Variants in MAP3K11 observed in about 807,000 individuals in gnomAD.
The protein encoded by MAP3K11 is mitogen-activated protein kinase kinase kinase 11.
Under a neutral mutation model 84.9 loss-of-function variants are expected in MAP3K11, and 46 were observed. The ratio of observed to expected loss-of-function variants is 0.54; its 90% CI spans 0.43 to 0.69. The LOEUF is 0.69. Ranked by LOEUF, MAP3K11 falls within the 30% of genes least tolerant of loss-of-function variation. The pLI is 0.00. For missense variants in MAP3K11, 1,053 were observed against 1,198.3 expected (o/e 0.88, Z 1.79); for synonymous variants, 527 against 514.7 (o/e 1.02, Z -0.32).
chr11:65,599,770 T>TGCGG lies in MAP3K11; in HGVS notation c.1832-6_1832-3dup, dbSNP rs1565142044. On this transcript the variant is annotated splice_polypyrimidine_tract_variant and splice_region_variant and intron_variant, in intron 8 of 9. Transcript: ENST00000309100. ...CCAGGCTAGGCCGCGGGGGGTTACCTGCGGGCAGAGGCGGCACAGGTGAGG... is the reference window on the plus strand; with the variant it reads ...CCAGGCTAGGCCGCGGGGGGTTACCTGCGGGCGGGCAGAGGCGGCACAGGTGAGG... 1.3e-6 allele frequency: 2 copies of TGCGG among 1,593,408 alleles called. No individual in the cohort carries two copies. The highest frequency in any genetic ancestry group is 3.4e-5 in the Admixed American group (2 of 59,276).
chr11:65,599,467 G>A lies in MAP3K11; in HGVS notation c.2133C>T (p.Pro711=). Residue 711 remains proline (P), a synonymous_variant, in exon 9 of 10, where the codon CCC becomes CCT. Transcript: ENST00000309100. ...CAGGGATACCCAGGTCCAGCAACAG[G>A]GGTGCAGGAGTGGGCGGGGAGTCGG... ...KTPDSPPTPA[P]LLLDLGIPVG... The A allele has an allele frequency of 6.6e-7, 1 of 1,508,708 alleles. No homozygotes were observed. Among genetic ancestry groups the A allele is most frequent in the Non-Finnish European group, 8.8e-7 (1 of 1,136,930 alleles). The allele number at this position is 1,508,708 out of a possible 1,614,324, so 93.5% of individuals were successfully genotyped here.
In MAP3K11 at chr11:65,603,938, C is replaced by T. The variant is rs555794723; in HGVS notation, c.1831+1823G>A. On this transcript the variant is annotated intron_variant, in intron 8 of 9. Coordinates refer to ENST00000309100, the MANE Select transcript of MAP3K11 (RefSeq NM_002419.4). ...GCATTCACTGTATCCCTGGGGGCTG[C>T]GGCTCTCTCAGTTTGCAGGGGCTGG... Among the ~76,000 whole-genome samples, 8 of 152,312 alleles carry T rather than the reference C, an allele frequency of 5.3e-5. No individual in the cohort carries two copies. In the South Asian group the frequency reaches 1.7e-3, roughly 32 times the overall value.
In MAP3K11 at chr11:65,601,091, A is replaced by ACATCT. The variant is rs374614823; in HGVS notation, c.1832-1328_1832-1324dup. Among the ~76,000 whole-genome samples, 176 of 152,158 alleles carry ACATCT rather than the reference A, an allele frequency of 1.2e-3. 1 individual carries two copies. Among genetic ancestry groups the ACATCT allele is most frequent in the African/African-American group, 4.1e-3 (170 of 41,498 alleles). On this transcript the variant is annotated intron_variant, in intron 8 of 9. Transcript: ENST00000309100. The stretch of plus-strand genomic sequence containing the variant: ...CTTCATTCACTCATTCATTCAATCA[A>ACATCT]CATCTACTGACCCATGTGCCTTGGC...
At chr11:65,608,570 G>C (rs1854539389) in intron 1 of MAP3K11, 122 bp from the exon 2 acceptor site, 1 of 771,252 alleles carries the variant, frequency 1.3e-6, no homozygotes, top group Non-Finnish European at 2.1e-6. Context: ...GAGGTGACTT[G>C]GTCTAGATCT....
Position 65,607,140 on chromosome 11 carries a change from CT to C in MAP3K11, c.1489+129del. ...AAAAAAAACACTCCTGGCTCCACCC[CT>C]CCCAGCCTTCATCTCACGGGCCCAC... On this transcript the variant is annotated intron_variant, in intron 5 of 9. Coordinates refer to ENST00000309100, the MANE Select transcript of MAP3K11 (RefSeq NM_002419.4). 9.5e-6 allele frequency: 12 copies of C among 1,260,460 alleles called. No individual in the cohort carries two copies. The South Asian group carries it at 2.0e-4, about 21-fold the overall frequency. The allele number at this position is 1,260,460 out of a possible 1,614,324, so 78.1% of individuals were successfully genotyped here. A position where few individuals can be genotyped will look rare whatever the true frequency, so the allele number is the denominator to read the frequency against.
rs1181735151 is a variant in MAP3K11, at chr11:65,599,915, TCA to T, written c.1832-149_1832-148del. The T allele has an allele frequency of 7.3e-6, 6 of 823,998 alleles. No homozygotes were observed. In the African/African-American group the frequency reaches 1.1e-4, roughly 15 times the overall value. 51.0% of individuals were successfully genotyped at this position (823,998 alleles called of 1,614,324 possible). A position where few individuals can be genotyped will look rare whatever the true frequency, so the allele number is the denominator to read the frequency against. On this transcript the variant is annotated intron_variant, in intron 8 of 9. Coordinates refer to ENST00000309100, the MANE Select transcript of MAP3K11 (RefSeq NM_002419.4). The stretch of plus-strand genomic sequence containing the variant: ...TCCCACAGGTCCCATGGCCTCCCCA[TCA>T]CATACCCACATTCTGGCCTTTCACA...
intron 1 of MAP3K11, chr11:65,609,696 CAG>C (rs1211030032): frequency 6.6e-6 from 1 of 152,410 alleles, no homozygotes; most frequent in African/African-American, 2.4e-5. Context: ...GGACCCATGT[CAG>C]GGCACACCTC....
rs768797212 is a variant in MAP3K11, at chr11:65,598,381, G to A, written c.2454C>T (p.Ala818=). The A allele has an allele frequency of 4.5e-6, 7 of 1,557,196 alleles. No homozygotes were observed. The highest frequency in any genetic ancestry group is 1.4e-5 in the African/African-American group (1 of 73,690). ...CCTGGGGGCCCCCCTGGAAGGGGTTGGCAGGTGGGGAGTCCCAGAAGGGGT... is the reference window on the plus strand; with the variant it reads ...CCTGGGGGCCCCCCTGGAAGGGGTTAGCAGGTGGGGAGTCCCAGAAGGGGT... ...DSDPFWDSPP[A]NPFQGGPQDC... Residue 818 remains alanine, a synonymous_variant, in exon 10 of 10, where the codon GCC becomes GCT. Transcript: ENST00000309100.
intron 3 of MAP3K11, 21 bp downstream of exon 3, chr11:65,607,901 C>T: frequency 3.1e-6 from 5 of 1,611,804 alleles, no homozygotes; most frequent in Non-Finnish European, 4.2e-6. Context: ...TGTACCTCAC[C>T]TGCCCTCCCC....
intron 1 of MAP3K11, chr11:65,610,598 C>A (rs1473232536): frequency 6.6e-6 from 1 of 152,298 alleles, no homozygotes; most frequent in Non-Finnish European, 1.5e-5. Flanking sequence ...ACACAGCAGG[C>A]TGGGGCAGTG....
chr11:65,608,009 G>A lies in MAP3K11; in HGVS notation c.982C>T (p.Leu328Phe), dbSNP rs772856050. ...ACAGCTACGCCATAGGCCACAGCAAGGCAGTCAATGCCACGGTATGGCACC... is the reference window on the plus strand; with the variant it reads ...ACAGCTACGCCATAGGCCACAGCAAAGCAGTCAATGCCACGGTATGGCACC... ...GEVPYRGIDC[L>F]AVAYGVAVNK... The change falls in exon 3 of 10, where the codon CTT becomes TTT. Residue 328 changes from leucine to phenylalanine, a missense_variant. Physicochemically the swap from Leu to Phe is conservative, Grantham distance 22 (BLOSUM62 0). Coordinates refer to ENST00000309100, the MANE Select transcript of MAP3K11 (RefSeq NM_002419.4). The A allele has an allele frequency of 6.2e-7, 1 of 1,614,236 alleles. No homozygotes were observed. Among genetic ancestry groups the A allele is most frequent in the South Asian group, 1.1e-5 (1 of 91,088 alleles).
In MAP3K11 at chr11:65,605,617, T is replaced by G; in HGVS notation, c.1831+144A>C. The G allele has an allele frequency of 4.9e-6, 3 of 608,648 alleles. 1 individual carries two copies. The East Asian group carries it at 9.3e-5, about 19-fold the overall frequency. The allele number at this position is 608,648 out of a possible 1,614,324, so 37.7% of individuals were successfully genotyped here. The stretch of plus-strand genomic sequence containing the variant: ...CCTGGGTTCCAGGATCGGCTCTGTC[T>G]TGTCTCAGCCTTGGTTTCCTAGTCT... On this transcript the variant is annotated intron_variant, in intron 8 of 9. Transcript: ENST00000309100.
chr11:65,607,884 G>C (rs368776174), intron 3 of MAP3K11, 38 bp downstream of exon 3: 1 of 1,609,072 alleles, frequency 6.2e-7, no homozygotes, highest in African/African-American at 1.3e-5. Flanking sequence ...CCTGGGCCAG[G>C]GAGCTCTGTA....
At chr11:65,608,091 CTG>C (rs1854533507) in intron 2 of MAP3K11, 21 bp from the exon 3 acceptor site, 1 of 1,610,174 alleles carries the variant, frequency 6.2e-7, no homozygotes, top group Non-Finnish European at 8.5e-7. Context: ...GACAACAGGT[CTG>C]TGTTCCCTTT....
At position 65,613,993 on chromosome 11, in the gene MAP3K11, G is replaced by GGCCTCCGGC. The variant is rs1225274360; in HGVS notation, c.-246_-238dup. 5 of 526,738 alleles carry GGCCTCCGGC rather than the reference G, an allele frequency of 9.5e-6. No individual in the cohort carries two copies. The highest frequency in any genetic ancestry group is 3.7e-5 in the Admixed American group (1 of 26,868). 32.6% of individuals were successfully genotyped at this position (526,738 alleles called of 1,614,324 possible). On this transcript the variant is annotated 5_prime_UTR_variant, in exon 1 of 10. Transcript: ENST00000309100. The stretch of plus-strand genomic sequence containing the variant: ...TCAGGCCGGGGGGGTGGGGCCCCGG[G>GGCCTCCGGC]GCCTCCGGCGCCTCACCATGGCTAG...
chr11:65,606,198 AG>A (rs1854506138), intron 6 of MAP3K11, 117 bp from the exon 7 acceptor site: 5 of 1,228,614 alleles, frequency 4.1e-6, no homozygotes, highest in Middle Eastern at 2.5e-4. Flanking sequence ...TACCATTCCC[AG>A]GGTGAGCTTT....
intron 1 of MAP3K11, chr11:65,610,454 T>A (rs546982222): frequency 8.5e-5 from 13 of 152,256 alleles, no homozygotes; most frequent in African/African-American, 3.1e-4. Context: ...AAAGCACTTA[T>A]CGTATCTCCG....
intron 6 of MAP3K11, chr11:65,606,468 A>G: frequency 2.4e-6 from 1 of 422,464 alleles, no homozygotes; most frequent in Non-Finnish European, 4.2e-6. Context: ...AAGCATTTAG[A>G]AAATTAGTAG....
chr11:65,607,731 C>T lies in MAP3K11; in HGVS notation c.1155G>A (p.Arg385=), dbSNP rs1359084619. 1.9e-6 allele frequency: 3 copies of T among 1,613,872 alleles called. No homozygotes were observed. Among genetic ancestry groups the T allele is most frequent in the Admixed American group, 3.3e-5 (2 of 60,026 alleles). The change falls in exon 4 of 10, where the codon CGG becomes CGA. Residue 385 remains arginine, a synonymous_variant. Coordinates refer to ENST00000309100, the MANE Select transcript of MAP3K11 (RefSeq NM_002419.4). ...QLEALEAQVL[R]EMPRDSFHSM... Reference sequence around the variant, plus strand: ...AATGGAAGGAGTCCCGCGGCATTTCCCGTAGGACCTGTGCCTCCAGCGCCT... The same window carrying T: ...AATGGAAGGAGTCCCGCGGCATTTCTCGTAGGACCTGTGCCTCCAGCGCCT...
Sources: gnomAD v4.1 joint callset for allele counts (sites outside exome capture counted in the v4.1 genomes callset) on GRCh38, gnomAD v4.1.1 for gene constraint, MANE v1.5 for transcripts, NCBI Gene and HGNC (gene_info 2026-07-23, HGNC 2026-07-21) for gene names.